The following PI4KA variants were observed in gnomAD, a reference collection of about 807,000 sequenced individuals.
PI4KA encodes phosphatidylinositol 4-kinase alpha.
Under a neutral mutation model 271.4 loss-of-function variants are expected in PI4KA, and 122 were observed. That is an observed-to-expected ratio of 0.45 (90% confidence interval 0.39 to 0.52). The LOEUF (loss-of-function observed/expected upper bound fraction) is 0.52. Among genes scored for constraint, PI4KA ranks in the 20% least tolerant of loss-of-function variants. The pLI is 0.00. For synonymous variants in PI4KA, 1,041 were observed against 1,078.8 expected (o/e 0.96, Z 0.69); for missense variants, 1,969 against 2,769.1 (o/e 0.71, Z 6.48).
intron 1 of PI4KA, among the ~76,000 whole-genome samples, chr22:20,856,756 AAGC>A (rs1355502207): frequency 6.6e-6 from 1 of 152,222 alleles, no homozygotes; most frequent in Non-Finnish European, 1.5e-5. Context: ...TTGACAACTG[AAGC>A]AGTTATTACT....
chr22:20,770,278 T>C (rs1351975702), intron 19 of PI4KA, among the ~76,000 whole-genome samples: 2 of 151,076 alleles, frequency 1.3e-5, no homozygotes, highest in African/African-American at 4.9e-5. Context: ...TTTGGGAGGC[T>C]GAGGCGGGCA....
In PI4KA at chr22:20,751,330, T is replaced by A; in HGVS notation, c.3116A>T (p.Tyr1039Phe). 6.2e-7 allele frequency: 1 copy of A among 1,614,026 alleles called. No individual in the cohort carries two copies. The change falls in exon 27 of 55, where the codon TAC becomes TTC. Residue 1039 changes from tyrosine (Y) to phenylalanine (F), a missense_variant. Tyr to Phe is a conservative substitution (Grantham distance 22). Coordinates refer to ENST00000255882, the MANE Select transcript of PI4KA (RefSeq NM_058004.4). ...GTACGTGTCAGGAACCGTGATCCGGTAGGGGGCGTCGGGGATGTCATAGTA... is the reference window on the plus strand; with the variant it reads ...GTACGTGTCAGGAACCGTGATCCGGAAGGGGGCGTCGGGGATGTCATAGTA... ...QPYYDIPDAPYRITVPDTYEA... is the reference protein window; with the variant it reads ...QPYYDIPDAPFRITVPDTYEA...
At chr22:20,805,861 G>A (rs944513572) in intron 10 of PI4KA, among the ~76,000 whole-genome samples, 15 of 151,808 alleles carry the variant, frequency 9.9e-5, no homozygotes, top group African/African-American at 3.4e-4. Flanking sequence ...AAAGAAAAAG[G>A]TTGTCAGATA....
chr22:20,753,188 G>C lies in PI4KA; in HGVS notation c.2792-8C>G. The C allele has an allele frequency of 6.2e-7, 1 of 1,611,196 alleles. No individual in the cohort carries two copies. The highest frequency in any genetic ancestry group is 1.1e-5 in the South Asian group (1 of 90,966). On this transcript the variant is annotated splice_polypyrimidine_tract_variant and splice_region_variant and intron_variant, in intron 23 of 54. Coordinates refer to ENST00000255882, the MANE Select transcript of PI4KA (RefSeq NM_058004.4). ...TCACACACTGCATCATCCCTGAAAC[G>C]AGAAGGTTTCCATGGATAAGGTGCA...
At chr22:20,836,030 C>T (rs764483674) in intron 2 of PI4KA, among the ~76,000 whole-genome samples, 3 of 151,294 alleles carry the variant, frequency 2.0e-5, no homozygotes, top group Admixed American at 6.6e-5. Flanking sequence ...CCAGCCTGGG[C>T]GACAGAGAGA....
chr22:20,755,976 A>G (rs1370495415), intron 23 of PI4KA, among the ~76,000 whole-genome samples: 1 of 152,150 alleles, frequency 6.6e-6, no homozygotes, highest in Non-Finnish European at 1.5e-5. Flanking sequence ...GCCTCCAGGC[A>G]GAGAGACAAG....
intron 43 of PI4KA, among the ~76,000 whole-genome samples, chr22:20,720,296 TC>T (rs1347772023): frequency 8.5e-5 from 13 of 152,226 alleles, no homozygotes; most frequent in African/African-American, 3.1e-4. Context: ...TTTTTGGCGA[TC>T]CTCCTGCCTT....
intron 10 of PI4KA, among the ~76,000 whole-genome samples, chr22:20,806,088 G>A (rs1569055506): frequency 6.6e-6 from 1 of 152,064 alleles, no homozygotes; most frequent in South Asian, 2.1e-4. Context: ...CCCCTTCTTA[G>A]GGAGTTTCAA....
chr22:20,848,924 G>T (rs1003075543), intron 1 of PI4KA, among the ~76,000 whole-genome samples: 1 of 152,008 alleles, frequency 6.6e-6, no homozygotes, highest in African/African-American at 2.4e-5. Context: ...GAAAATATTT[G>T]CAAATCATAT....
chr22:20,711,563 C>T, intron 50 of PI4KA, 102 bp from the exon 51 acceptor site: 1 of 1,187,646 alleles, frequency 8.4e-7, no homozygotes, highest in Non-Finnish European at 1.2e-6. Flanking sequence ...CTCTCCCTGG[C>T]TCTGTACCCC....
intron 4 of PI4KA, among the ~76,000 whole-genome samples, chr22:20,822,474 A>G (rs1922840616): frequency 6.6e-6 from 1 of 152,248 alleles, no homozygotes; most frequent in African/African-American, 2.4e-5. Flanking sequence ...TCATGGTATT[A>G]GCTTTAGCTC....
chr22:20,746,837 CCTCAGGCCCCACAAAAGCCAGAGGGCA>C (rs1050465823), intron 29 of PI4KA, among the ~76,000 whole-genome samples: 33 of 152,346 alleles, frequency 2.2e-4, no homozygotes, highest in African/African-American at 6.7e-4. Context: ...TCTGGCACAT[CCTCAGGCCCCACAAAAGCCAGAGGGCA>C]CTCAGGCCCC....
At chr22:20,732,760 C>T (rs947523977) in intron 36 of PI4KA, among the ~76,000 whole-genome samples, 1 of 152,168 alleles carries the variant, frequency 6.6e-6, no homozygotes, top group Non-Finnish European at 1.5e-5. Context: ...TCAGCTGCCT[C>T]GGGTGCGTGT....
intron 32 of PI4KA, among the ~76,000 whole-genome samples, chr22:20,739,229 T>C (rs2010990): frequency 0.49 from 73,981 of 150,522 alleles, 18,613 homozygotes; most frequent in East Asian, 0.59. Flanking sequence ...GCCTGTAGTC[T>C]CAGCTACTCG....
intron 32 of PI4KA, among the ~76,000 whole-genome samples, chr22:20,741,228 G>A (rs992395908): frequency 3.9e-5 from 6 of 152,196 alleles, no homozygotes; most frequent in Non-Finnish European, 8.8e-5. Flanking sequence ...CCTCTCCCTG[G>A]CAAGAACTAT....
At chr22:20,855,070 T>C (rs1329345281) in intron 1 of PI4KA, among the ~76,000 whole-genome samples, 2 of 151,440 alleles carry the variant, frequency 1.3e-5, no homozygotes, top group African/African-American at 4.9e-5. Flanking sequence ...GAGAATCGCT[T>C]GAACCCGGGA....
rs5760300 is a variant in PI4KA, at chr22:20,743,056, G to A, written c.3457-292C>T. On this transcript the variant is annotated intron_variant, in intron 30 of 54. Transcript: ENST00000255882. ...CATCATTGTACCCAGCAGTGAGCCC[G>A]GGGTCTGACCCATGGTGGGACTGCA... The A allele has an allele frequency of 0.38, 162,763 of 422,842 alleles. 33,119 individuals are homozygous for A. Among genetic ancestry groups the A allele is most frequent in the African/African-American group, 0.49 (24,760 of 50,348 alleles). The allele number at this position is 422,842 out of a possible 1,614,324, so 26.2% of individuals were successfully genotyped here.
Position 20,714,441 on chromosome 22 carries a change from C to A in PI4KA, c.5461+17G>T, listed in dbSNP as rs751852667. On this transcript the variant is annotated intron_variant, in intron 47 of 54. Transcript: ENST00000255882. ...AAAGCACTGAGCTCCCAAACAAAAT[C>A]AGGGTTCTTTACTGACCTTCTTTTT... 6.9e-6 allele frequency: 11 copies of A among 1,599,040 alleles called. No individual in the cohort carries two copies. In the South Asian group the frequency reaches 8.9e-5, roughly 13 times the overall value.
At chr22:20,759,445 C>T (rs1173078371) in intron 23 of PI4KA, among the ~76,000 whole-genome samples, 3 of 144,926 alleles carry the variant, frequency 2.1e-5, no homozygotes, top group African/African-American at 7.6e-5. Context: ...TCTCTGTCAC[C>T]CAGGATGGAG....
Sources: gnomAD v4.1 joint callset for allele counts (sites outside exome capture counted in the v4.1 genomes callset) on GRCh38, gnomAD v4.1.1 for gene constraint, MANE v1.5 for transcripts, NCBI Gene and HGNC (gene_info 2026-07-23, HGNC 2026-07-21) for gene names.